TMEM132C: variants seen among roughly 807,000 people sequenced by gnomAD.
The protein encoded by TMEM132C is protein phosphatase 1, regulatory subunit 152.
TMEM132C carries 29 observed loss-of-function variants against 61.4 expected under a neutral mutation model. The observed-to-expected ratio is 0.47, with a 90% CI of 0.35 to 0.64. TMEM132C has a LOEUF of 0.64. Ranked by LOEUF, TMEM132C falls within the 30% of genes least tolerant of loss-of-function variation. The probability of loss-of-function intolerance (pLI) is 0.00; values close to 1 mark genes in which losing one functional copy is unlikely to be tolerated. For synonymous variants in TMEM132C, 656 were observed against 633.1 expected, an observed-to-expected ratio of 1.04 and a Z score of -0.54; for missense variants, 1,408 against 1,476.9, an observed-to-expected ratio of 0.95 and a Z score of 0.76.
chr12:128,471,174 G>T (rs1870939046), intron 2 of TMEM132C, among the ~76,000 whole-genome samples: 1 of 152,190 alleles, frequency 6.6e-6, no homozygotes, highest in Non-Finnish European at 1.5e-5. Context: ...AGATACTCCA[G>T]AAGTATCCCT....
At position 128,548,553 on chromosome 12, in the gene TMEM132C, G is replaced by A. The variant is rs113557960; in HGVS notation, c.1121+4450G>A. Among the ~76,000 whole-genome samples, 163 of 152,214 alleles carry A rather than the reference G, an allele frequency of 1.1e-3. 1 individual carries two copies. Among genetic ancestry groups the A allele is most frequent in the African/African-American group, 3.8e-3 (156 of 41,530 alleles). ...TAGGGCCCACTTGGATCATCTCTCC[G>A]TCTCATGATCCTTAACCTAATCACA... is the stretch of plus-strand genomic sequence containing the variant. On this transcript the variant is annotated intron_variant, in intron 3 of 8. Transcript: ENST00000435159.
chr12:128,391,936 C>G (rs1874775650), intron 1 of TMEM132C, among the ~76,000 whole-genome samples: 1 of 152,218 alleles, frequency 6.6e-6, no homozygotes, highest in Admixed American at 6.5e-5. Flanking sequence ...TAAATACTTA[C>G]ATAGCATCCT....
chr12:128,606,093 A>T (rs1876414424), intron 3 of TMEM132C, among the ~76,000 whole-genome samples: 1 of 152,228 alleles, frequency 6.6e-6, no homozygotes. Context: ...GCTGGGGGCT[A>T]TCTGAAGCCA....
At chr12:128,595,606 C>G (rs963434672) in intron 3 of TMEM132C, among the ~76,000 whole-genome samples, 6 of 152,232 alleles carry the variant, frequency 3.9e-5, no homozygotes, top group East Asian at 1.9e-4. Flanking sequence ...TTGTAAGAGG[C>G]AGCAGGAGGC....
At chr12:128,318,652 T>C (rs1339054675) in intron 1 of TMEM132C, among the ~76,000 whole-genome samples, 1 of 152,258 alleles carries the variant, frequency 6.6e-6, no homozygotes, top group Non-Finnish European at 1.5e-5. Flanking sequence ...TGCCATTTTT[T>C]ACTAAACTTT....
At chr12:128,520,145 C>G (rs995814940) in intron 2 of TMEM132C, among the ~76,000 whole-genome samples, 2 of 152,160 alleles carry the variant, frequency 1.3e-5, no homozygotes, top group Non-Finnish European at 2.9e-5. Flanking sequence ...CCCCAGACAC[C>G]CTTTCCCCTC....
intron 2 of TMEM132C, among the ~76,000 whole-genome samples, chr12:128,537,049 G>C (rs1234241206): frequency 6.6e-6 from 1 of 152,162 alleles, no homozygotes; most frequent in Non-Finnish European, 1.5e-5. Flanking sequence ...AATATTTATG[G>C]GAGGAGAAGC....
intron 1 of TMEM132C, among the ~76,000 whole-genome samples, chr12:128,322,685 G>T (rs1872373614): frequency 6.6e-6 from 1 of 152,172 alleles, no homozygotes; most frequent in Admixed American, 6.5e-5. Flanking sequence ...CTGAGAAACT[G>T]CCCCAAAAGA....
intron 1 of TMEM132C, among the ~76,000 whole-genome samples, chr12:128,398,658 G>C (rs1044846537): frequency 6.6e-6 from 1 of 152,192 alleles, no homozygotes; most frequent in African/African-American, 2.4e-5. Flanking sequence ...GTGTGACCTT[G>C]GCTGAATTAC....
chr12:128,366,444 T>C (rs1040057572), intron 1 of TMEM132C, among the ~76,000 whole-genome samples: 4 of 152,310 alleles, frequency 2.6e-5, no homozygotes, highest in Middle Eastern at 3.4e-3. Flanking sequence ...CTTAATGACC[T>C]TCTGGCTCCT....
chr12:128,643,300 A>G (rs1211973965), intron 4 of TMEM132C, among the ~76,000 whole-genome samples: 1 of 152,238 alleles, frequency 6.6e-6, no homozygotes, highest in Non-Finnish European at 1.5e-5. Context: ...AAAGGTTTGA[A>G]TTAATCCAAG....
At chr12:128,505,372 G>C (rs560426083) in intron 2 of TMEM132C, among the ~76,000 whole-genome samples, 1 of 152,162 alleles carries the variant, frequency 6.6e-6, no homozygotes, top group Non-Finnish European at 1.5e-5. Flanking sequence ...GGCATCTCTA[G>C]TGTCAGTGTG....
chr12:128,678,958 C>T (rs1377940127), intron 5 of TMEM132C, among the ~76,000 whole-genome samples: 1 of 152,230 alleles, frequency 6.6e-6, no homozygotes, highest in Non-Finnish European at 1.5e-5. Flanking sequence ...CTCAGACAGA[C>T]TCCTGTTATG....
intron 4 of TMEM132C, among the ~76,000 whole-genome samples, chr12:128,659,507 C>T (rs1954362959): frequency 6.6e-6 from 1 of 152,170 alleles, no homozygotes; most frequent in African/African-American, 2.4e-5. Context: ...TCCGCAAGCC[C>T]CCAGAGGAGA....
chr12:128,642,207 C>T (rs1679637149), intron 4 of TMEM132C, among the ~76,000 whole-genome samples: 1 of 152,066 alleles, frequency 6.6e-6, no homozygotes, highest in African/African-American at 2.4e-5. Context: ...TCTCGGCTCA[C>T]TGCAAGCTCC....
chr12:128,307,313 A>G (rs1253083435), intron 1 of TMEM132C, among the ~76,000 whole-genome samples: 1 of 152,214 alleles, frequency 6.6e-6, no homozygotes, highest in Non-Finnish European at 1.5e-5. Context: ...TTATCAAAAT[A>G]TACAAATATC....
chr12:128,312,592 A>G (rs1872009115), intron 1 of TMEM132C, among the ~76,000 whole-genome samples: 1 of 152,178 alleles, frequency 6.6e-6, no homozygotes, highest in Non-Finnish European at 1.5e-5. Flanking sequence ...GCGATGTAGC[A>G]ATGGAGGCAG....
intron 4 of TMEM132C, among the ~76,000 whole-genome samples, chr12:128,664,056 T>TCA (rs147685543): frequency 0.52 from 51,041 of 97,544 alleles, 10,991 homozygotes; most frequent in East Asian, 0.63. Context: ...ACGCGGGCAC[T>TCA]CACAGGCACA....
Position 128,673,056 on chromosome 12 carries a change from T to C in TMEM132C, c.1449+3496T>C, listed in dbSNP as rs551035386. Among the ~76,000 whole-genome samples the C allele has an allele frequency of 9.8e-5, 15 of 152,324 alleles. No homozygotes were observed. The South Asian group carries it at 2.9e-3, about 29-fold the overall frequency. ...AGAAGAGGCCAGTGACACTTGCACA[T>C]GTAGTGGATCGGGTTTCAGGAGAGG... is the stretch of plus-strand genomic sequence containing the variant. On this transcript the variant is annotated intron_variant, in intron 5 of 8. Coordinates refer to ENST00000435159, the MANE Select transcript of TMEM132C (RefSeq NM_001136103.3).
Sources: gnomAD v4.1 joint callset for allele counts (sites outside exome capture counted in the v4.1 genomes callset) on GRCh38, gnomAD v4.1.1 for gene constraint, MANE v1.5 for transcripts, NCBI Gene and HGNC (gene_info 2026-07-23, HGNC 2026-07-21) for gene names.